SHANK2: variants seen among roughly 807,000 people sequenced by gnomAD.
SHANK2 encodes the protein SH3 and multiple ankyrin repeat domains protein 2.
SHANK2 carries 43 observed loss-of-function variants against 133.7 expected under a neutral mutation model. The observed-to-expected ratio is 0.32, with a 90% CI of 0.25 to 0.41. The LOEUF is 0.41. Ranked by LOEUF, SHANK2 falls within the 10% of genes least tolerant of loss-of-function variation. The pLI is 1.00. For missense variants in SHANK2, 1,994 were observed against 2,235.8 expected (o/e 0.89, Z 2.18); for synonymous variants, 1,017 against 952.8 (o/e 1.07, Z -1.24).
intron 25 of SHANK2, among the ~76,000 whole-genome samples, chr11:70,480,911 C>T (rs975757529): frequency 6.6e-6 from 1 of 152,232 alleles, no homozygotes; most frequent in Non-Finnish European, 1.5e-5. Context: ...GCTTTTGCAG[C>T]CCCAGGCTCC....
intron 13 of SHANK2, among the ~76,000 whole-genome samples, chr11:70,800,124 G>A (rs1182038818): frequency 6.6e-6 from 1 of 152,204 alleles, no homozygotes; most frequent in East Asian, 1.9e-4. Context: ...CCAGGCTTAA[G>A]TGATCCTCCC....
At chr11:71,202,781 C>T (rs944614726) in intron 2 of SHANK2, among the ~76,000 whole-genome samples, 25 of 152,198 alleles carry the variant, frequency 1.6e-4, no homozygotes, top group Non-Finnish European at 2.5e-4. Context: ...ATCCACCTGG[C>T]CGGCTCCACT....
At chr11:70,585,488 C>T (rs1234348552) in intron 17 of SHANK2, among the ~76,000 whole-genome samples, 1 of 152,226 alleles carries the variant, frequency 6.6e-6, no homozygotes, top group African/African-American at 2.4e-5. Flanking sequence ...GCATTTAACA[C>T]AAATTGACCA....
At chr11:71,233,334 G>A (rs925271725) in intron 1 of SHANK2, among the ~76,000 whole-genome samples, 8 of 152,106 alleles carry the variant, frequency 5.3e-5, no homozygotes, top group East Asian at 3.8e-4. Context: ...GATGAACCTC[G>A]GTAACACGAT....
intron 17 of SHANK2, among the ~76,000 whole-genome samples, chr11:70,527,184 C>A (rs66462629): frequency 0.15 from 22,949 of 152,184 alleles, 1,912 homozygotes; most frequent in South Asian, 0.24. Flanking sequence ...GAGACCTGGT[C>A]CTTTATTGAC....
intron 14 of SHANK2, among the ~76,000 whole-genome samples, chr11:70,708,698 G>T (rs1460803948): frequency 6.6e-6 from 1 of 152,346 alleles, no homozygotes; most frequent in Admixed American, 6.5e-5. Flanking sequence ...TTGGCTGGGA[G>T]CCGCTCCTCC....
At chr11:70,536,338 T>C (rs2059543897) in intron 17 of SHANK2, among the ~76,000 whole-genome samples, 1 of 152,212 alleles carries the variant, frequency 6.6e-6, no homozygotes, top group South Asian at 2.1e-4. Flanking sequence ...AGATGAGGCT[T>C]GGTCTAAAAT....
At chr11:70,659,046 CAT>C (rs1415040142) in intron 17 of SHANK2, among the ~76,000 whole-genome samples, 1 of 152,184 alleles carries the variant, frequency 6.6e-6, no homozygotes. Context: ...CAAAGAGTCA[CAT>C]GTTCCTTTGC....
At chr11:71,121,376 G>A (rs566642422) in intron 3 of SHANK2, among the ~76,000 whole-genome samples, 6 of 152,214 alleles carry the variant, frequency 3.9e-5, no homozygotes, top group African/African-American at 9.6e-5. Flanking sequence ...CTTTGCAGAC[G>A]TAATCAAGTT....
At chr11:70,881,989 G>C (rs1417250712) in intron 11 of SHANK2, among the ~76,000 whole-genome samples, 1 of 152,132 alleles carries the variant, frequency 6.6e-6, no homozygotes, top group Non-Finnish European at 1.5e-5. Flanking sequence ...TGGGATTATA[G>C]GTGTGAGCCA....
intron 2 of SHANK2, among the ~76,000 whole-genome samples, chr11:71,215,624 C>T (rs1954396061): frequency 6.6e-6 from 1 of 152,204 alleles, no homozygotes. Flanking sequence ...GGAGGTGTCC[C>T]CACATAGCCA....
intron 14 of SHANK2, among the ~76,000 whole-genome samples, chr11:70,745,000 G>A (rs538290938): frequency 2.0e-5 from 3 of 152,216 alleles, no homozygotes; most frequent in East Asian, 1.9e-4. Flanking sequence ...GGGGGACACC[G>A]GCGCCCTGAC....
Position 70,771,157 on chromosome 11 carries a change from G to T in SHANK2, c.1777+27286C>A, listed in dbSNP as rs142744813. 4.7e-3 allele frequency among the ~76,000 whole-genome samples: 713 copies of T among 152,218 alleles called. 9 individuals carry two copies. Among genetic ancestry groups the T allele is most frequent in the African/African-American group, 0.016 (680 of 41,544 alleles). On this transcript the variant is annotated intron_variant, in intron 14 of 25. Transcript: ENST00000601538. ...GCCCAGGCTGGTCTTGAACTCCTGA[G>T]CTCAGGTGATCTACCCTTCTCAGCC...
intron 12 of SHANK2, among the ~76,000 whole-genome samples, chr11:70,814,422 G>T (rs2135309789): frequency 6.6e-6 from 1 of 152,196 alleles, no homozygotes; most frequent in Admixed American, 6.5e-5. Context: ...CCACTTTCTA[G>T]GTCAGGATGA....
chr11:71,098,449 G>A (rs1951665453), intron 6 of SHANK2, among the ~76,000 whole-genome samples: 1 of 152,210 alleles, frequency 6.6e-6, no homozygotes, highest in Non-Finnish European at 1.5e-5. Context: ...TTTCCCTGAA[G>A]GGCTGGGTGG....
intron 17 of SHANK2, among the ~76,000 whole-genome samples, chr11:70,582,256 A>C (rs1554985636): frequency 1.3e-5 from 2 of 152,364 alleles, no homozygotes; most frequent in South Asian, 2.1e-4. Flanking sequence ...ACCAGCTGAA[A>C]GGACCACCTA....
At chr11:70,617,841 G>A (rs1449183731) in intron 17 of SHANK2, among the ~76,000 whole-genome samples, 1 of 152,156 alleles carries the variant, frequency 6.6e-6, no homozygotes, top group African/African-American at 2.4e-5. Flanking sequence ...CCTGTTGTGG[G>A]GTCGGGGGAG....
intron 9 of SHANK2, among the ~76,000 whole-genome samples, chr11:71,065,511 G>A (rs1951040649): frequency 6.9e-6 from 1 of 144,498 alleles, no homozygotes; most frequent in African/African-American, 2.6e-5. Context: ...GGGGAAGTTG[G>A]GGTGTATGTG....
chr11:70,876,122 C>T (rs1247227855), intron 11 of SHANK2, among the ~76,000 whole-genome samples: 5 of 151,678 alleles, frequency 3.3e-5, no homozygotes, highest in Non-Finnish European at 7.4e-5. Flanking sequence ...CACCATTGCA[C>T]TCCAGCCTGG....
Sources: gnomAD v4.1 joint callset for allele counts (sites outside exome capture counted in the v4.1 genomes callset) on GRCh38, gnomAD v4.1.1 for gene constraint, MANE v1.5 for transcripts, NCBI Gene and HGNC (gene_info 2026-07-23, HGNC 2026-07-21) for gene names.